HSD17B3: variants seen among roughly 807,000 people sequenced by gnomAD.
HSD17B3 encodes hydroxysteroid 17-beta dehydrogenase 3.
A neutral mutation model predicts 41.1 loss-of-function variants in HSD17B3; 29 were observed. The observed-to-expected ratio is 0.71, with a 90% CI of 0.53 to 0.96. The LOEUF is 0.96. HSD17B3 is among the 40% of genes least tolerant of loss of function. HSD17B3 has a pLI of 0.00. For synonymous variants in HSD17B3, 126 were observed against 145.6 expected (o/e 0.87, Z 0.97); for missense variants, 323 against 374.6 (o/e 0.86, Z 1.14).
intron 2 of HSD17B3, among the ~76,000 whole-genome samples, chr9:96,262,260 G>C (rs1013995227): frequency 3.6e-4 from 1 of 2,816 alleles, no homozygotes; most frequent in African/African-American, 1.8e-3. Context: ...TTTTTTTTTT[G>C]TGAGATGGAG....
At position 96,281,176 on chromosome 9, in the gene HSD17B3, A is replaced by G. The variant is rs375955883; in HGVS notation, c.201+17240T>C. ...CTGTAACATCTTTCTGGTGACCACA[A>G]AGGGATTATAGTGTGAAAACCCCCT... On this transcript the variant is annotated intron_variant, in intron 2 of 10. Coordinates refer to ENST00000375263, the MANE Select transcript of HSD17B3 (RefSeq NM_000197.2). Among the ~76,000 whole-genome samples the G allele has an allele frequency of 5.9e-5, 9 of 152,052 alleles. No individual in the cohort carries two copies. The East Asian group carries it at 1.7e-3, about 29-fold the overall frequency.
chr9:96,287,166 A>C (rs977003697), intron 2 of HSD17B3, among the ~76,000 whole-genome samples: 1 of 152,096 alleles, frequency 6.6e-6, no homozygotes. Flanking sequence ...AACCAGGGAG[A>C]CAGCACAGTC....
At chr9:96,262,338 A>T (rs1299707761) in intron 2 of HSD17B3, among the ~76,000 whole-genome samples, 1 of 135,844 alleles carries the variant, frequency 7.4e-6, no homozygotes, top group Non-Finnish European at 1.5e-5. Context: ...CCGCCTCCCC[A>T]GGTTCAAGCA....
chr9:96,281,358 G>T (rs1257527259), intron 2 of HSD17B3, among the ~76,000 whole-genome samples: 1 of 152,050 alleles, frequency 6.6e-6, no homozygotes, highest in African/African-American at 2.4e-5. Context: ...TAAGTGGGGC[G>T]CATTTACCCG....
intron 10 of HSD17B3, among the ~76,000 whole-genome samples, chr9:96,238,740 T>G (rs1032114114): frequency 6.6e-6 from 1 of 151,934 alleles, no homozygotes; most frequent in Admixed American, 6.5e-5. Flanking sequence ...TGGTCAGAAG[T>G]GTGTCCTCTG....
chr9:96,262,035 C>T (rs1825879099), intron 2 of HSD17B3, among the ~76,000 whole-genome samples: 1 of 152,002 alleles, frequency 6.6e-6, no homozygotes, highest in South Asian at 2.1e-4. Context: ...TAGGAAGGAT[C>T]AGTGAGGCAA....
At chr9:96,248,781 A>G (rs1474227453) in intron 6 of HSD17B3, among the ~76,000 whole-genome samples, 3 of 152,068 alleles carry the variant, frequency 2.0e-5, no homozygotes, top group African/African-American at 7.2e-5. Context: ...CTTAAACAGT[A>G]CCTTTCTCTA....
At chr9:96,259,103 G>A (rs962321769) in intron 2 of HSD17B3, among the ~76,000 whole-genome samples, 8 of 152,254 alleles carry the variant, frequency 5.3e-5, no homozygotes, top group African/African-American at 1.9e-4. Context: ...TGATCAAGAA[G>A]TGACCCGCAT....
At chr9:96,257,135 C>T (rs1042342886) in intron 2 of HSD17B3, among the ~76,000 whole-genome samples, 1 of 152,148 alleles carries the variant, frequency 6.6e-6, no homozygotes, top group Non-Finnish European at 1.5e-5. Flanking sequence ...CCTGTACAAG[C>T]CTGCAGAACT....
intron 9 of HSD17B3, among the ~76,000 whole-genome samples, chr9:96,243,602 C>T (rs930357657): frequency 6.6e-6 from 1 of 152,222 alleles, no homozygotes; most frequent in African/African-American, 2.4e-5. Flanking sequence ...TCCCACACAA[C>T]AATAACAAAA....
At chr9:96,293,347 T>C (rs1268158542) in intron 2 of HSD17B3, among the ~76,000 whole-genome samples, 1 of 152,118 alleles carries the variant, frequency 6.6e-6, no homozygotes, top group African/African-American at 2.4e-5. Context: ...GAAAACAAGA[T>C]TGACCTTCCT....
chr9:96,244,361 CT>C lies in HSD17B3; in HGVS notation c.639del (p.Glu214ArgfsTer13), dbSNP rs1564024919. 1 of 1,614,220 alleles carries C rather than the reference CT, an allele frequency of 6.2e-7. No individual in the cohort carries two copies. Among genetic ancestry groups the C allele is most frequent in the South Asian group, 1.1e-5 (1 of 91,086 alleles). ...ATGACTTCTTTTGCTTTATATTCCT[CT>C]TGCAGGGCCTTGGAAAATGCGCACA... ...AFVCAFSKAL[Q>X]EEYKAKEVII... On this transcript the variant is annotated frameshift_variant, in exon 9 of 11. Transcript: ENST00000375263. LOFTEE classifies it high-confidence loss of function.
At chr9:96,239,282 G>A (rs1836342882) in intron 10 of HSD17B3, 2 of 152,256 alleles carry the variant, frequency 1.3e-5, no homozygotes, top group South Asian at 4.1e-4. Context: ...GGAGCCTCCA[G>A]GGAAGGATGA....
intron 2 of HSD17B3, among the ~76,000 whole-genome samples, chr9:96,291,680 G>C (rs1827164565): frequency 6.6e-6 from 1 of 152,208 alleles, no homozygotes. Context: ...CAGTAGGCTG[G>C]GTGATGTGGC....
chr9:96,245,849 T>C (rs1041710293), intron 7 of HSD17B3, among the ~76,000 whole-genome samples: 1 of 152,208 alleles, frequency 6.6e-6, no homozygotes, highest in Non-Finnish European at 1.5e-5. Context: ...AGATGTCACA[T>C]GGTGGAATAT....
chr9:96,250,303 C>T (rs1803040503), intron 5 of HSD17B3: 2 of 1,081,796 alleles, frequency 1.8e-6, no homozygotes, highest in South Asian at 8.5e-5. Context: ...AACCCTGGAA[C>T]TTGCTTCTTG....
chr9:96,278,304 A>G (rs966785056), intron 2 of HSD17B3, among the ~76,000 whole-genome samples: 1 of 152,246 alleles, frequency 6.6e-6, no homozygotes, highest in Admixed American at 6.5e-5. Context: ...ATGATATGAA[A>G]TAATAGATAC....
intron 2 of HSD17B3, among the ~76,000 whole-genome samples, chr9:96,295,304 C>T (rs1481208092): frequency 6.6e-6 from 1 of 151,408 alleles, no homozygotes; most frequent in Non-Finnish European, 1.5e-5. Flanking sequence ...CACACCGGGC[C>T]ACAAGGAGTT....
intron 2 of HSD17B3, among the ~76,000 whole-genome samples, chr9:96,259,716 G>T (rs561705678): frequency 8.8e-6 from 1 of 113,004 alleles, no homozygotes; most frequent in Non-Finnish European, 1.8e-5. Flanking sequence ...ACAAGACTCC[G>T]TCTCAAAAGA....
Sources: allele counts gnomAD v4.1 joint callset (sites outside exome capture counted in the v4.1 genomes callset), GRCh38; gene constraint gnomAD v4.1.1; transcripts MANE v1.5; gene names NCBI Gene and HGNC (gene_info 2026-07-23, HGNC 2026-07-21).